ARHGEF10: variants seen among roughly 807,000 people sequenced by gnomAD.
ARHGEF10 encodes Rho guanine nucleotide exchange factor (GEF) 10.
Under a neutral mutation model 147.4 loss-of-function variants are expected in ARHGEF10, and 140 were observed. The ratio of observed to expected loss-of-function variants is 0.95; its 90% confidence interval spans 0.83 to 1.09. ARHGEF10 has a LOEUF of 1.09. Among genes scored for constraint, ARHGEF10 ranks in the 50% least tolerant of loss-of-function variants. The pLI is 0.00. For missense variants in ARHGEF10, 2,222 were observed against 1,752.7 expected (o/e 1.27, Z -4.78); for synonymous variants, 902 against 695.8 (o/e 1.30, Z -4.67).
At chr8:1,925,463 C>G (rs1301571260) in intron 22 of ARHGEF10, 59 bp downstream of exon 22, 1 of 1,604,992 alleles carries the variant, frequency 6.2e-7, no homozygotes. Flanking sequence ...TCTGAATGGG[C>G]CACTTGGGAG....
Position 1,933,843 on chromosome 8 carries a change from C to A in ARHGEF10, c.3123C>A (p.Gly1041=), listed in dbSNP as rs146918202. The A allele has an allele frequency of 4.2e-5, 67 of 1,614,042 alleles. No homozygotes were observed. The African/African-American group carries it at 8.4e-4, about 20-fold the overall frequency. The change falls in exon 26 of 29, where the codon GGC becomes GGA. Residue 1041 remains glycine (G), a synonymous_variant. Coordinates refer to ENST00000349830, the MANE Select transcript of ARHGEF10 (RefSeq NM_014629.4). ...DSEPQKVIKL[G]VLPVRSLLMM... is the part of the protein sequence containing the mutation. Reference sequence around the variant, plus strand: ...AACCTCAAAAAGTGATCAAGTTAGGCGTCCTACCAGTTAGAAGTCTACTCA... The same window carrying A: ...AACCTCAAAAAGTGATCAAGTTAGGAGTCCTACCAGTTAGAAGTCTACTCA...
At chr8:1,857,611 G>A (rs994298465) in intron 2 of ARHGEF10, among the ~76,000 whole-genome samples, 2 of 151,528 alleles carry the variant, frequency 1.3e-5, no homozygotes, top group African/African-American at 4.9e-5. Context: ...GTAGAGATGG[G>A]GTTTCACCAT....
At chr8:1,923,621 C>G (rs758971152) in intron 20 of ARHGEF10, 26 bp downstream of exon 20, 4 of 1,614,144 alleles carry the variant, frequency 2.5e-6, no homozygotes, top group Non-Finnish European at 3.4e-6. Context: ...AAAACGAAAC[C>G]TTCTTGGCCA....
At chr8:1,845,083 G>A (rs1002967200) in intron 2 of ARHGEF10, among the ~76,000 whole-genome samples, 15 of 152,166 alleles carry the variant, frequency 9.9e-5, no homozygotes, top group Admixed American at 8.5e-4. Flanking sequence ...AGGCTGCAGT[G>A]AGCCGAGATC....
chr8:1,873,786 C>G (rs77032114), intron 7 of ARHGEF10, among the ~76,000 whole-genome samples: 1 of 150,548 alleles, frequency 6.6e-6, no homozygotes, highest in Non-Finnish European at 1.5e-5. Flanking sequence ...GTTTAGAGTT[C>G]GGGGCTCTCA....
At chr8:1,836,285 C>T (rs1803575466) in intron 1 of ARHGEF10, among the ~76,000 whole-genome samples, 1 of 152,160 alleles carries the variant, frequency 6.6e-6, no homozygotes, top group Admixed American at 6.5e-5. Context: ...ACAAAGCCTG[C>T]AGCCCAGGCA....
At position 1,882,688 on chromosome 8, in the gene ARHGEF10, G is replaced by C. The variant is rs186467970; in HGVS notation, c.1014G>C (p.Arg338Ser). 6.4e-7 allele frequency: 1 copy of C among 1,557,416 alleles called. No homozygotes were observed. The highest frequency in any genetic ancestry group is 8.7e-7 in the Non-Finnish European group (1 of 1,149,970). ...AKDGTKDGLE[R>S]TRAAVKRGRS... ...ACGGCACCAAGGACGGGCTGGAGAGGACCAGGGCAGCCGTGAAGAGGGGCC... is the reference window on the plus strand; with the variant it reads ...ACGGCACCAAGGACGGGCTGGAGAGCACCAGGGCAGCCGTGAAGAGGGGCC... The change falls in exon 10 of 29, where the codon AGG (arginine) becomes AGC (serine). Residue 338 changes from arginine to serine, a missense_variant. Arg to Ser is a moderately radical substitution (Grantham distance 110). Transcript: ENST00000349830.
intron 15 of ARHGEF10, among the ~76,000 whole-genome samples, chr8:1,900,837 G>A (rs899756565): frequency 1.3e-5 from 2 of 152,006 alleles, no homozygotes; most frequent in Non-Finnish European, 2.9e-5. Flanking sequence ...AGCTCTCCCC[G>A]TCCTCCTCCC....
intron 15 of ARHGEF10, 113 bp downstream of exon 15, chr8:1,898,638 C>G: frequency 1.9e-6 from 2 of 1,062,580 alleles, no homozygotes; most frequent in East Asian, 5.1e-5. Flanking sequence ...GCCTCCTCAT[C>G]TCCTCTCTAG....
chr8:1,859,167 T>G (rs1157554672), intron 3 of ARHGEF10, among the ~76,000 whole-genome samples: 1 of 151,628 alleles, frequency 6.6e-6, no homozygotes, highest in Non-Finnish European at 1.5e-5. Context: ...TGTTTCTTTG[T>G]GCACAGCACC....
intron 8 of ARHGEF10, among the ~76,000 whole-genome samples, chr8:1,879,844 C>T (rs1808029520): frequency 6.6e-6 from 1 of 152,110 alleles, no homozygotes. Flanking sequence ...TGAGCCACTG[C>T]GCCCAGCCAA....
chr8:1,923,890 C>G lies in ARHGEF10; in HGVS notation c.2488+16C>G. ...CTCGCCCTAGGTAAGGCCTGGCTGG[C>G]TGAGGCTGAATGAGGCATGCGGCGT... On this transcript the variant is annotated intron_variant, in intron 21 of 28. Coordinates refer to ENST00000349830, the MANE Select transcript of ARHGEF10 (RefSeq NM_014629.4). 1 of 1,612,546 alleles carries G rather than the reference C, an allele frequency of 6.2e-7. No individual in the cohort carries two copies. Among genetic ancestry groups the G allele is most frequent in the Non-Finnish European group, 8.5e-7 (1 of 1,178,630 alleles).
chr8:1,861,718 C>G (rs1203548261), intron 4 of ARHGEF10, among the ~76,000 whole-genome samples: 2 of 152,144 alleles, frequency 1.3e-5, no homozygotes, highest in Admixed American at 1.3e-4. Context: ...TGTGCGTTTT[C>G]CTGTTGAAGT....
At chr8:1,841,993 CCGCGGCG>C (rs1804115319) in intron 1 of ARHGEF10, among the ~76,000 whole-genome samples, 3 of 70,918 alleles carry the variant, frequency 4.2e-5, no homozygotes, top group South Asian at 4.6e-4. Context: ...GGAACTGGGG[CCGCGGCG>C]GGAACTGGGG....
chr8:1,856,317 G>A (rs1447656618), intron 2 of ARHGEF10, among the ~76,000 whole-genome samples: 3 of 152,200 alleles, frequency 2.0e-5, no homozygotes, highest in Non-Finnish European at 4.4e-5. Context: ...CAGAAAGCTC[G>A]TGGGGTCCCC....
intron 1 of ARHGEF10, among the ~76,000 whole-genome samples, chr8:1,841,602 G>A (rs1400743984): frequency 6.6e-6 from 1 of 151,954 alleles, no homozygotes; most frequent in South Asian, 2.1e-4. Context: ...CAGGGAGTAG[G>A]GAGCAGGGCG....
intron 2 of ARHGEF10, 82 bp from the exon 3 acceptor site, chr8:1,857,878 C>T (rs1805681628): frequency 2.3e-6 from 2 of 884,052 alleles, no homozygotes; most frequent in Non-Finnish European, 3.2e-6. Flanking sequence ...ATAGATCGAT[C>T]GATCTATCTA....
chr8:1,842,029 C>T (rs1804124061), intron 1 of ARHGEF10, among the ~76,000 whole-genome samples: 1 of 115,416 alleles, frequency 8.7e-6, no homozygotes, highest in Admixed American at 1.0e-4. Context: ...GGAACTGGGG[C>T]CGCGGCGGGA....
Position 1,908,446 on chromosome 8 carries a change from A to G in ARHGEF10, c.1968-849A>G, listed in dbSNP as rs142197440. Among the ~76,000 whole-genome samples, 474 of 152,102 alleles carry G rather than the reference A, an allele frequency of 3.1e-3. 2 individuals carry two copies. Among genetic ancestry groups the G allele is most frequent in the East Asian group, 0.031 (158 of 5,146 alleles). On this transcript the variant is annotated intron_variant, in intron 17 of 28. Coordinates refer to ENST00000349830, the MANE Select transcript of ARHGEF10 (RefSeq NM_014629.4). ...ATGGGGTGTCACTGTGTTAGCCAGG[A>G]TGGTCTCAATCTCCTGACCTTGTGA...
Sources: allele counts gnomAD v4.1 joint callset (sites outside exome capture counted in the v4.1 genomes callset), GRCh38; gene constraint gnomAD v4.1.1; transcripts MANE v1.5; gene names NCBI Gene and HGNC (gene_info 2026-07-23, HGNC 2026-07-21).